CCDC7: variants seen among roughly 807,000 people sequenced by gnomAD.
The protein encoded by CCDC7 is coiled-coil domain containing 7.
CCDC7 carries 183 observed loss-of-function variants against 196.9 expected under a neutral mutation model. The observed-to-expected ratio is 0.93, with a 90% CI of 0.82 to 1.05. CCDC7 has a LOEUF of 1.05. Ranked by LOEUF, CCDC7 falls within the 50% of genes least tolerant of loss-of-function variation. The pLI, the probability that CCDC7 is intolerant of heterozygous loss-of-function variation, is 0.00. For missense variants in CCDC7, 1,540 were observed against 1,482.2 expected, an observed-to-expected ratio of 1.04 and a Z score of -0.64; for synonymous variants, 525 against 484.6, an observed-to-expected ratio of 1.08 and a Z score of -1.10.
At chr10:32,565,484 A>G in intron 13 of CCDC7, 74 bp from the exon 15 acceptor site, 1 of 1,486,674 alleles carries the variant, frequency 6.7e-7, no homozygotes, top group African/African-American at 1.4e-5. Context: ...GGTTTTGGAA[A>G]AGTAATACTG....
chr10:32,459,646 ATTTTTTTTTTT>A (rs60002951), intron 3 of CCDC7, among the ~76,000 whole-genome samples: 6 of 68,716 alleles, frequency 8.7e-5, no homozygotes, highest in South Asian at 1.1e-3. Flanking sequence ...CCTGCTGCAC[ATTTTTTTTTTT>A]TTTTTTTTTT....
chr10:32,543,743 G>T (rs1036908476), intron 12 of CCDC7, among the ~76,000 whole-genome samples: 10 of 151,858 alleles, frequency 6.6e-5, no homozygotes. Context: ...CTTTTCTACT[G>T]TACTTATTAA....
intron 21 of CCDC7, among the ~76,000 whole-genome samples, chr10:32,684,999 CA>C (rs1273174662): frequency 1.3e-5 from 2 of 151,386 alleles, no homozygotes; most frequent in African/African-American, 4.9e-5. Context: ...AAACTGATTC[CA>C]AAAGTAAAAA....
intron 24 of CCDC7, among the ~76,000 whole-genome samples, chr10:32,704,802 C>T (rs1228436173): frequency 6.6e-6 from 1 of 152,176 alleles, no homozygotes; most frequent in African/African-American, 2.4e-5. Context: ...CAGTGTAGCA[C>T]TCTCCGAGCC....
At chr10:32,489,664 G>A (rs1017663822) in intron 8 of CCDC7, among the ~76,000 whole-genome samples, 2 of 152,178 alleles carry the variant, frequency 1.3e-5, no homozygotes, top group Admixed American at 1.3e-4. Context: ...CAGTGGCTCA[G>A]ATACCTGAAG....
intron 33 of CCDC7, among the ~76,000 whole-genome samples, chr10:32,836,283 T>G (rs967079348): frequency 2.0e-5 from 3 of 152,116 alleles, no homozygotes; most frequent in Non-Finnish European, 4.4e-5. Context: ...CTTCTTGTTG[T>G]GGAGAAAGAT....
intron 26 of CCDC7, among the ~76,000 whole-genome samples, chr10:32,727,160 C>G (rs2083251474): frequency 6.6e-6 from 1 of 152,114 alleles, no homozygotes. Flanking sequence ...TGATCACTTA[C>G]CACGTGTAGC....
intron 30 of CCDC7, among the ~76,000 whole-genome samples, chr10:32,805,713 T>C (rs1263305710): frequency 6.6e-6 from 1 of 152,210 alleles, no homozygotes; most frequent in Non-Finnish European, 1.5e-5. Context: ...AGAGGGACCC[T>C]CTAAAACCAC....
chr10:32,782,313 C>A (rs1054288422), intron 29 of CCDC7, among the ~76,000 whole-genome samples: 1 of 151,938 alleles, frequency 6.6e-6, no homozygotes, highest in South Asian at 2.1e-4. Flanking sequence ...CTGCAACCTC[C>A]GCCTCCCAGG....
chr10:32,684,431 G>T (rs1212332809), intron 21 of CCDC7, among the ~76,000 whole-genome samples: 1 of 152,168 alleles, frequency 6.6e-6, no homozygotes, highest in African/African-American at 2.4e-5. Flanking sequence ...CATGGCAGAG[G>T]TATGTGTCCC....
intron 40 of CCDC7, among the ~76,000 whole-genome samples, chr10:32,852,322 T>C (rs1338275799): frequency 6.6e-6 from 1 of 152,000 alleles, no homozygotes; most frequent in Non-Finnish European, 1.5e-5. Flanking sequence ...AGAAGAAAAA[T>C]AAATCATATG....
chr10:32,723,891 T>C (rs1055953856), intron 25 of CCDC7, among the ~76,000 whole-genome samples: 2 of 152,086 alleles, frequency 1.3e-5, no homozygotes, highest in African/African-American at 4.8e-5. Context: ...AGAGACATGC[T>C]TAGAGCTAAC....
chr10:32,873,363 C>T (rs953756437), intron 41 of CCDC7, among the ~76,000 whole-genome samples: 9 of 151,936 alleles, frequency 5.9e-5, no homozygotes, highest in Admixed American at 5.9e-4. Flanking sequence ...ACATAGTTCT[C>T]GTGCCATGGT....
In CCDC7 at chr10:32,623,266, A is replaced by G. The variant is rs573415058; in HGVS notation, c.1802-10988A>G. Among the ~76,000 whole-genome samples, 3 of 152,314 alleles carry G rather than the reference A, an allele frequency of 2.0e-5. No individual in the cohort carries two copies. In the East Asian group the frequency reaches 5.8e-4, roughly 29 times the overall value. ...GGCCTTGTCCTTCCAAATGTTTTAT[A>G]AAAATTATCCTATATGTTCTGAAAT... On this transcript the variant is annotated intron_variant, in intron 18 of 41. Coordinates refer to ENST00000639629, the Ensembl canonical transcript of CCDC7.
chr10:32,710,134 G>A (rs2080578181), intron 24 of CCDC7, among the ~76,000 whole-genome samples: 1 of 152,060 alleles, frequency 6.6e-6, no homozygotes, highest in Non-Finnish European at 1.5e-5. Context: ...CTAAAGGAGG[G>A]GTTTTATAGT....
intron 39 of CCDC7, 110 bp downstream of exon 40, chr10:32,848,828 T>C (rs1254962840): frequency 6.5e-6 from 6 of 917,282 alleles, no homozygotes; most frequent in Non-Finnish European, 1.0e-5. Context: ...TTCAGAAATA[T>C]CTTAGGAAAA....
chr10:32,613,683 A>G (rs944057039), intron 18 of CCDC7, among the ~76,000 whole-genome samples: 1 of 152,130 alleles, frequency 6.6e-6, no homozygotes, highest in African/African-American at 2.4e-5. Flanking sequence ...CAGTAGTCAT[A>G]CAAGAGCAGG....
intron 41 of CCDC7, among the ~76,000 whole-genome samples, chr10:32,861,967 G>T (rs945295778): frequency 2.0e-5 from 3 of 152,132 alleles, no homozygotes; most frequent in African/African-American, 7.2e-5. Context: ...CACTGCTGGT[G>T]GGACTGTAAA....
intron 41 of CCDC7, among the ~76,000 whole-genome samples, chr10:32,869,059 T>C (rs944088447): frequency 5.3e-5 from 8 of 152,176 alleles, no homozygotes; most frequent in African/African-American, 9.7e-5. Flanking sequence ...AGCAGCATGA[T>C]TTATAATCCT....
Sources: allele counts gnomAD v4.1 joint callset (sites outside exome capture counted in the v4.1 genomes callset), GRCh38; gene constraint gnomAD v4.1.1; transcripts MANE v1.5; gene names NCBI Gene and HGNC (gene_info 2026-07-23, HGNC 2026-07-21).